The following CXCL13 variants were observed in gnomAD, a reference collection of about 807,000 sequenced individuals.
The protein encoded by CXCL13 is C-X-C motif chemokine ligand 13.
In CXCL13, 7 loss-of-function variants were observed where a neutral mutation model predicts 12.2. The observed-to-expected ratio is 0.57, with a 90% confidence interval of 0.33 to 1.07. The LOEUF (loss-of-function observed/expected upper bound fraction) is 1.07. Ranked by LOEUF, CXCL13 falls within the 50% of genes least tolerant of loss-of-function variation. The pLI is 0.04. For missense variants in CXCL13, 113 were observed against 127.4 expected (o/e 0.89, Z 0.55); for synonymous variants, 47 against 42.4 (o/e 1.11, Z -0.42).
intron 1 of CXCL13, among the ~76,000 whole-genome samples, chr4:77,579,325 A>G (rs541112398): frequency 2.0e-5 from 3 of 152,324 alleles, no homozygotes; most frequent in African/African-American, 7.2e-5. Context: ...GGAATTTTGG[A>G]AAGCTGAATA....
intron 1 of CXCL13, among the ~76,000 whole-genome samples, chr4:77,543,390 C>T (rs950680516): frequency 2.0e-5 from 3 of 151,972 alleles, no homozygotes; most frequent in Admixed American, 1.3e-4. Context: ...TTCTTTTCTT[C>T]TGCTAGCTTT....
intron 1 of CXCL13, among the ~76,000 whole-genome samples, chr4:77,522,499 G>A (rs1724634098): frequency 1.6e-5 from 2 of 122,990 alleles, no homozygotes; most frequent in East Asian, 2.3e-4. Flanking sequence ...TCAGAGACTA[G>A]GACTGCAACC....
At chr4:77,533,962 C>T (rs973757446) in intron 1 of CXCL13, among the ~76,000 whole-genome samples, 1 of 152,190 alleles carries the variant, frequency 6.6e-6, no homozygotes, top group Non-Finnish European at 1.5e-5. Flanking sequence ...AAAGGGAATT[C>T]CCTGACCCCT....
At position 77,538,375 on chromosome 4, in the gene CXCL13, C is replaced by G. The variant is rs146142762; in HGVS notation, c.-43+26587C>G. On this transcript the variant is annotated intron_variant, in intron 1 of 4. Transcript: ENST00000286758. The stretch of plus-strand genomic sequence containing the variant: ...CAGTGAAGAATGACTCATTATTTAT[C>G]TTGAGGGTGTAACAATGAATTGTTG... Among the ~76,000 whole-genome samples the G allele has an allele frequency of 2.1e-4, 30 of 143,190 alleles. No homozygotes were observed. In the East Asian group the frequency reaches 5.8e-3, roughly 28 times the overall value. 93.9% of individuals were successfully genotyped at this position (143,190 alleles called of 152,430 possible).
intron 1 of CXCL13, among the ~76,000 whole-genome samples, chr4:77,520,446 G>A (rs993314828): frequency 1.3e-5 from 2 of 152,138 alleles, no homozygotes; most frequent in East Asian, 3.8e-4. Flanking sequence ...TTGTAAGTTG[G>A]ATTCCTAGGT....
chr4:77,608,921 G>T (rs771866181), intron 2 of CXCL13, among the ~76,000 whole-genome samples: 9 of 152,172 alleles, frequency 5.9e-5, no homozygotes, highest in Middle Eastern at 3.2e-3. Context: ...ACCAAGGAAG[G>T]TAATGCACCT....
chr4:77,531,401 GTC>G (rs1724913882), intron 1 of CXCL13, among the ~76,000 whole-genome samples: 2 of 151,016 alleles, frequency 1.3e-5, no homozygotes, highest in East Asian at 3.9e-4. Flanking sequence ...TTGCACTGTG[GTC>G]TGAGAGACAG....
upstream of CXCL13, among the ~76,000 whole-genome samples, chr4:77,603,060 A>T (rs76808349): frequency 0.031 from 4,650 of 152,258 alleles, 188 homozygotes; most frequent in South Asian, 0.11. Flanking sequence ...TGGTGGTCCT[A>T]TTTTTAATAG....
intron 1 of CXCL13, among the ~76,000 whole-genome samples, chr4:77,595,612 G>T (rs545179780): frequency 6.6e-6 from 1 of 152,266 alleles, no homozygotes; most frequent in South Asian, 2.1e-4. Context: ...CAGTCATGTA[G>T]GTGTTAATAC....
At chr4:77,529,691 T>G (rs957280097) in intron 1 of CXCL13, among the ~76,000 whole-genome samples, 2 of 152,220 alleles carry the variant, frequency 1.3e-5, no homozygotes, top group Non-Finnish European at 2.9e-5. Context: ...ACGATGGGGT[T>G]TTCTAGATAT....
intron 1 of CXCL13, among the ~76,000 whole-genome samples, chr4:77,575,081 CA>C (rs1726171801): frequency 6.6e-6 from 1 of 151,808 alleles, no homozygotes; most frequent in African/African-American, 2.4e-5. Context: ...TAACTAAATT[CA>C]AAAGGTTATT....
At chr4:77,562,841 GACCAATCAGCTCTCTGTAAAACAC>G (rs1021191125) in intron 1 of CXCL13, among the ~76,000 whole-genome samples, 2 of 152,018 alleles carry the variant, frequency 1.3e-5, no homozygotes, top group South Asian at 2.1e-4. Flanking sequence ...TGTCAAAACG[GACCAATCAGCTCTCTGTAAAACAC>G]ACCAATCAGC....
At chr4:77,609,307 T>C (rs2109839096) in intron 2 of CXCL13, among the ~76,000 whole-genome samples, 1 of 150,548 alleles carries the variant, frequency 6.6e-6, no homozygotes, top group East Asian at 1.9e-4. Context: ...TGGGTTTTTT[T>C]TTTGTTTTGT....
chr4:77,608,022 C>T (rs1469703523), intron 2 of CXCL13, among the ~76,000 whole-genome samples, 187 bp downstream of exon 2: 1 of 152,178 alleles, frequency 6.6e-6, no homozygotes, highest in Non-Finnish European at 1.5e-5. Context: ...GAGCTAAGTG[C>T]TTTACATGCA....
intron 1 of CXCL13, among the ~76,000 whole-genome samples, chr4:77,537,494 G>T (rs1432857809): frequency 6.6e-6 from 1 of 152,236 alleles, no homozygotes; most frequent in Non-Finnish European, 1.5e-5. Flanking sequence ...GAGCAAAGCA[G>T]AGAATAGGTC....
intron 1 of CXCL13, among the ~76,000 whole-genome samples, chr4:77,607,384 C>T (rs567844290): frequency 2.6e-5 from 4 of 151,956 alleles, no homozygotes; most frequent in Admixed American, 6.6e-5. Flanking sequence ...ATGGGGTCTC[C>T]GTTTGTTGCC....
At chr4:77,517,001 C>A (rs911241183) in intron 1 of CXCL13, among the ~76,000 whole-genome samples, 48 of 151,850 alleles carry the variant, frequency 3.2e-4, no homozygotes, top group African/African-American at 1.2e-3. Flanking sequence ...ATTCTGGTAT[C>A]TTGTGTCTTT....
At chr4:77,550,472 A>T (rs1263383095) in intron 1 of CXCL13, among the ~76,000 whole-genome samples, 1 of 152,210 alleles carries the variant, frequency 6.6e-6, no homozygotes, top group African/African-American at 2.4e-5. Flanking sequence ...AGCTGTTCCT[A>T]TTCAGCCATC....
chr4:77,590,300 G>A (rs1440637899), intron 1 of CXCL13, among the ~76,000 whole-genome samples: 1 of 152,174 alleles, frequency 6.6e-6, no homozygotes, highest in Non-Finnish European at 1.5e-5. Flanking sequence ...TAAGGTAAAA[G>A]TCTTTCTCTT....
Sources: allele counts gnomAD v4.1 joint callset (sites outside exome capture counted in the v4.1 genomes callset), GRCh38; gene constraint gnomAD v4.1.1; transcripts MANE v1.5; gene names NCBI Gene and HGNC (gene_info 2026-07-23, HGNC 2026-07-21).